CMTM8: variants seen among roughly 807,000 people sequenced by gnomAD.
CMTM8 encodes CKLF like MARVEL transmembrane domain containing 8, also known as CKLF-like MARVEL transmembrane domain-containing protein 8.
Under a neutral mutation model 18.6 loss-of-function variants are expected in CMTM8, and 12 were observed. That is an observed-to-expected ratio of 0.65 (90% CI 0.41 to 1.05). The LOEUF (loss-of-function observed/expected upper bound fraction) is 1.05. Ranked by LOEUF, CMTM8 falls within the 50% of genes least tolerant of loss-of-function variation. The probability of loss-of-function intolerance (pLI) is 0.00; values close to 1 mark genes in which losing one functional copy is unlikely to be tolerated. For missense variants in CMTM8, 217 were observed against 227.2 expected (o/e 0.95, Z 0.29); for synonymous variants, 87 against 90.6 (o/e 0.96, Z 0.23).
chr3:32,325,019 A>T (rs1324292544), intron 1 of CMTM8, among the ~76,000 whole-genome samples: 2 of 152,236 alleles, frequency 1.3e-5, no homozygotes, highest in Non-Finnish European at 2.9e-5. Flanking sequence ...CAGGGAGGGC[A>T]TCTTTTTATC....
chr3:32,340,296 G>C (rs1233515712), intron 1 of CMTM8, among the ~76,000 whole-genome samples: 10 of 152,180 alleles, frequency 6.6e-5, no homozygotes, highest in Admixed American at 6.5e-4. Flanking sequence ...TAGTGGATAA[G>C]TGAAGATGGT....
chr3:32,262,610 A>G (rs541514753), intron 1 of CMTM8, among the ~76,000 whole-genome samples: 28 of 152,338 alleles, frequency 1.8e-4, no homozygotes, highest in African/African-American at 6.0e-4. Flanking sequence ...TAGCTATGCA[A>G]CCTTTACAAC....
intron 1 of CMTM8, among the ~76,000 whole-genome samples, chr3:32,280,606 C>G (rs375837092): frequency 2.6e-5 from 4 of 152,186 alleles, no homozygotes; most frequent in East Asian, 3.9e-4. Flanking sequence ...CACTCCCATA[C>G]TGTGGAGTGT....
chr3:32,320,922 T>C (rs1696032645), intron 1 of CMTM8, among the ~76,000 whole-genome samples: 1 of 152,132 alleles, frequency 6.6e-6, no homozygotes, highest in African/African-American at 2.4e-5. Context: ...GGAGTTACTT[T>C]AACAGATAAT....
At chr3:32,323,490 A>G (rs1486423956) in intron 1 of CMTM8, among the ~76,000 whole-genome samples, 1 of 152,182 alleles carries the variant, frequency 6.6e-6, no homozygotes, top group Non-Finnish European at 1.5e-5. Flanking sequence ...ACTTCTACCT[A>G]TAAGGTAACC....
At chr3:32,320,543 T>C (rs1211881319) in intron 1 of CMTM8, among the ~76,000 whole-genome samples, 1 of 152,198 alleles carries the variant, frequency 6.6e-6, no homozygotes, top group Non-Finnish European at 1.5e-5. Flanking sequence ...AAAAATGCTC[T>C]AAAGTTGATT....
chr3:32,282,398 G>A (rs539710707), intron 1 of CMTM8, among the ~76,000 whole-genome samples: 4 of 151,946 alleles, frequency 2.6e-5, no homozygotes, highest in Non-Finnish European at 5.9e-5. Context: ...GATGATCAGG[G>A]TTATTTGAAT....
intron 1 of CMTM8, among the ~76,000 whole-genome samples, chr3:32,329,123 A>G (rs1696223064): frequency 6.6e-6 from 1 of 152,158 alleles, no homozygotes; most frequent in Non-Finnish European, 1.5e-5. Context: ...CCCAGGCTGG[A>G]GTGCAGTGGT....
intron 3 of CMTM8, among the ~76,000 whole-genome samples, chr3:32,368,828 A>T (rs1367308981): frequency 8.7e-5 from 6 of 69,020 alleles, no homozygotes; most frequent in Admixed American, 2.8e-4. Context: ...TTTTCTAATT[A>T]AAAAAAACTG....
chr3:32,319,124 G>C (rs1475587940), intron 1 of CMTM8, among the ~76,000 whole-genome samples: 3 of 118,676 alleles, frequency 2.5e-5, no homozygotes, highest in African/African-American at 1.0e-4. Flanking sequence ...TGTCGCCCAG[G>C]CTGGAGTGCA....
chr3:32,287,747 A>G (rs915311629), intron 1 of CMTM8, among the ~76,000 whole-genome samples: 1 of 152,324 alleles, frequency 6.6e-6, no homozygotes, highest in African/African-American at 2.4e-5. Flanking sequence ...TGTGTCCGCC[A>G]TTATTTAATG....
At chr3:32,256,782 C>T (rs956842996) in intron 1 of CMTM8, among the ~76,000 whole-genome samples, 10 of 152,194 alleles carry the variant, frequency 6.6e-5, no homozygotes, top group Admixed American at 5.9e-4. Context: ...TCTCTCAAGA[C>T]AGCTCTAGCC....
chr3:32,300,883 C>T (rs544673521), intron 1 of CMTM8, among the ~76,000 whole-genome samples: 1 of 151,638 alleles, frequency 6.6e-6, no homozygotes, highest in South Asian at 2.1e-4. Flanking sequence ...TTGCTTGAAC[C>T]TGGGAGGCGG....
chr3:32,284,983 C>T (rs1203191745), intron 1 of CMTM8, among the ~76,000 whole-genome samples: 1 of 152,102 alleles, frequency 6.6e-6, no homozygotes, highest in Non-Finnish European at 1.5e-5. Flanking sequence ...CAGTTTAATG[C>T]AGAGTCTGAG....
chr3:32,366,397 G>A (rs768881730), intron 2 of CMTM8, among the ~76,000 whole-genome samples: 2 of 152,252 alleles, frequency 1.3e-5, no homozygotes, highest in Middle Eastern at 3.4e-3. Flanking sequence ...TGGCCCCCTC[G>A]TCCACATGGG....
intron 1 of CMTM8, among the ~76,000 whole-genome samples, chr3:32,288,061 G>A (rs1165636406): frequency 2.6e-5 from 4 of 152,124 alleles, no homozygotes; most frequent in African/African-American, 4.8e-5. Context: ...TAAAGTTCTG[G>A]AAGATTAAGT....
At chr3:32,291,632 A>G (rs995694815) in intron 1 of CMTM8, among the ~76,000 whole-genome samples, 2 of 152,252 alleles carry the variant, frequency 1.3e-5, no homozygotes, top group Admixed American at 1.3e-4. Flanking sequence ...GCATTCTACC[A>G]AGCTTTAATA....
At chr3:32,319,958 G>A (rs534960732) in intron 1 of CMTM8, among the ~76,000 whole-genome samples, 46 of 152,138 alleles carry the variant, frequency 3.0e-4, no homozygotes, top group Non-Finnish European at 5.1e-4. Flanking sequence ...ATTTTCTTAC[G>A]TAGGTATGCT....
chr3:32,268,915 G>A (rs1034921455), intron 1 of CMTM8, among the ~76,000 whole-genome samples: 9 of 152,144 alleles, frequency 5.9e-5, no homozygotes, highest in African/African-American at 2.2e-4. Flanking sequence ...TTTCTGGGGG[G>A]AAAATAGGGA....
Sources: allele counts gnomAD v4.1 joint callset (sites outside exome capture counted in the v4.1 genomes callset), GRCh38; gene constraint gnomAD v4.1.1; transcripts MANE v1.5; gene names NCBI Gene and HGNC (gene_info 2026-07-23, HGNC 2026-07-21).